The following CELF4 variants were observed in gnomAD, a reference collection of about 807,000 sequenced individuals.
CELF4 encodes the protein CUGBP Elav-like family member 4.
In CELF4, 18 loss-of-function variants were observed where a neutral mutation model predicts 59.9. That is an observed-to-expected ratio of 0.30 (90% CI 0.21 to 0.45). The LOEUF (loss-of-function observed/expected upper bound fraction) is 0.45, where lower values mean the gene tolerates loss of function less well. CELF4 is among the 20% of genes least tolerant of loss of function. The pLI, the probability that CELF4 is intolerant of heterozygous loss-of-function variation, is 1.00. For synonymous variants in CELF4, 261 were observed against 267.1 expected (o/e 0.98, Z 0.22); for missense variants, 456 against 689.0 (o/e 0.66, Z 3.79).
chr18:37,316,829 C>A (rs2096883942), intron 3 of CELF4, among the ~76,000 whole-genome samples: 1 of 152,180 alleles, frequency 6.6e-6, no homozygotes, highest in Non-Finnish European at 1.5e-5. Context: ...CTTCAGCCAC[C>A]TTGAGAATGG....
At chr18:37,329,527 T>C (rs1303910272) in intron 2 of CELF4, among the ~76,000 whole-genome samples, 2 of 152,274 alleles carry the variant, frequency 1.3e-5, no homozygotes, top group African/African-American at 2.4e-5. Context: ...TGCTGAGTCA[T>C]GGCCTCTTTT....
At chr18:37,266,673 T>G in intron 8 of CELF4, 75 bp from the exon 9 acceptor site, 9 of 1,236,046 alleles carry the variant, frequency 7.3e-6, no homozygotes, top group South Asian at 1.4e-5. Context: ...ATGGGGACAA[T>G]GATGTAGCTG....
intron 3 of CELF4, among the ~76,000 whole-genome samples, chr18:37,285,864 G>A (rs958919867): frequency 6.6e-6 from 1 of 152,134 alleles, no homozygotes; most frequent in Non-Finnish European, 1.5e-5. Flanking sequence ...CCAGGCGCAC[G>A]GCACACGATA....
intron 2 of CELF4, among the ~76,000 whole-genome samples, chr18:37,397,224 G>T (rs1313859386): frequency 6.6e-6 from 1 of 152,188 alleles, no homozygotes; most frequent in Non-Finnish European, 1.5e-5. Context: ...TGAACTCCTT[G>T]CGGTGCTTGC....
intron 8 of CELF4, among the ~76,000 whole-genome samples, chr18:37,270,214 C>T (rs1490030625): frequency 6.6e-6 from 1 of 152,128 alleles, no homozygotes; most frequent in Non-Finnish European, 1.5e-5. Flanking sequence ...AGGAGCTGTC[C>T]AAGGTGCTGG....
chr18:37,266,170 A>T (rs2077438465), intron 9 of CELF4: 1 of 395,906 alleles, frequency 2.5e-6, no homozygotes, highest in East Asian at 5.6e-5. Flanking sequence ...GGCAGCATCC[A>T]GGTCCAGCCT....
intron 1 of CELF4, among the ~76,000 whole-genome samples, chr18:37,527,458 T>G (rs1230480640): frequency 1.8e-4 from 27 of 151,976 alleles, no homozygotes; most frequent in Admixed American, 1.8e-3. Flanking sequence ...GTAATCAAGG[T>G]TTACGTGTAG....
intron 2 of CELF4, among the ~76,000 whole-genome samples, chr18:37,404,523 T>G (rs905822078): frequency 1.3e-5 from 2 of 152,192 alleles, no homozygotes; most frequent in Middle Eastern, 3.2e-3. Context: ...AAGTGCACAG[T>G]TGGATGCCCA....
intron 2 of CELF4, among the ~76,000 whole-genome samples, chr18:37,400,340 G>GTA (rs973678087): frequency 1.3e-5 from 2 of 151,538 alleles, no homozygotes; most frequent in Admixed American, 6.6e-5. Flanking sequence ...GTGTGTGTAT[G>GTA]TATATATATG....
At chr18:37,386,388 G>A (rs1351877811) in intron 2 of CELF4, among the ~76,000 whole-genome samples, 1 of 152,188 alleles carries the variant, frequency 6.6e-6, no homozygotes, top group Non-Finnish European at 1.5e-5. Flanking sequence ...GAGGCTGAGC[G>A]AGGATACCTT....
chr18:37,278,977 T>C (rs758447758), intron 3 of CELF4, among the ~76,000 whole-genome samples: 1 of 152,222 alleles, frequency 6.6e-6, no homozygotes, highest in African/African-American at 2.4e-5. Context: ...TTGGGTCTGA[T>C]GCCAGTTTCG....
chr18:37,298,384 T>C (rs1244710455), intron 3 of CELF4, among the ~76,000 whole-genome samples: 1 of 152,222 alleles, frequency 6.6e-6, no homozygotes, highest in Non-Finnish European at 1.5e-5. Context: ...ATGTCACTGC[T>C]CTACTCAAGG....
chr18:37,336,432 C>A (rs891192221), intron 2 of CELF4, among the ~76,000 whole-genome samples: 48 of 152,212 alleles, frequency 3.2e-4, no homozygotes, highest in African/African-American at 1.2e-3. Context: ...AATCCTCCCA[C>A]CTTGGCCTCC....
chr18:37,391,103 G>A (rs1023263438), intron 2 of CELF4, among the ~76,000 whole-genome samples: 17 of 152,234 alleles, frequency 1.1e-4, no homozygotes, highest in African/African-American at 3.4e-4. Flanking sequence ...ACGTAGGGAG[G>A]AGAGGACAGG....
At chr18:37,437,699 C>T (rs2099697628) in intron 2 of CELF4, among the ~76,000 whole-genome samples, 1 of 152,186 alleles carries the variant, frequency 6.6e-6, no homozygotes, top group South Asian at 2.1e-4. Context: ...TCCTGGCTGC[C>T]TCTATTTCCC....
rs138529405 is a variant in CELF4, at chr18:37,386,265, C to T, written c.370-64384G>A. On this transcript the variant is annotated intron_variant, in intron 2 of 12. Coordinates refer to ENST00000420428, the MANE Select transcript of CELF4 (RefSeq NM_020180.4). ...GTTGAAATAAACAGTGTTCTGGAAG[C>T]TTAGAGAAAGGAATAATTAACTCAA... 8.4e-4 allele frequency among the ~76,000 whole-genome samples: 128 copies of T among 152,308 alleles called. 1 individual carries two copies. The highest frequency in any genetic ancestry group is 6.8e-3 in the Middle Eastern group (2 of 294).
At chr18:37,481,566 T>C (rs1371216512) in intron 2 of CELF4, among the ~76,000 whole-genome samples, 1 of 152,180 alleles carries the variant, frequency 6.6e-6, no homozygotes, top group Non-Finnish European at 1.5e-5. Flanking sequence ...ACAGACTTCT[T>C]TCAAGAGGCT....
intron 3 of CELF4, among the ~76,000 whole-genome samples, chr18:37,307,668 G>A (rs764545952): frequency 3.9e-5 from 6 of 152,110 alleles, no homozygotes; most frequent in Non-Finnish European, 5.9e-5. Context: ...TAGGGAGGAC[G>A]TCTGCGTAGA....
At chr18:37,336,574 G>C (rs557767035) in intron 2 of CELF4, among the ~76,000 whole-genome samples, 1 of 152,182 alleles carries the variant, frequency 6.6e-6, no homozygotes, top group Non-Finnish European at 1.5e-5. Context: ...ATTTCCAAAA[G>C]CCTGCTATGA....
Sources: allele counts gnomAD v4.1 joint callset (sites outside exome capture counted in the v4.1 genomes callset), GRCh38; gene constraint gnomAD v4.1.1; transcripts MANE v1.5; gene names NCBI Gene and HGNC (gene_info 2026-07-23, HGNC 2026-07-21).